Variants in WDR37 observed in about 807,000 individuals in gnomAD.
WDR37 encodes WD repeat-containing protein 37.
Under a neutral mutation model 62.9 loss-of-function variants are expected in WDR37, and 19 were observed. The ratio of observed to expected loss-of-function variants is 0.30; its 90% CI spans 0.21 to 0.44. The LOEUF is 0.44. Ranked by LOEUF, WDR37 falls within the 20% of genes least tolerant of loss-of-function variation. The probability of loss-of-function intolerance (pLI) is 1.00; values close to 1 mark genes in which losing one functional copy is unlikely to be tolerated. For synonymous variants in WDR37, 250 were observed against 260.9 expected, an observed-to-expected ratio of 0.96 and a Z score of 0.40; for missense variants, 474 against 657.6, an observed-to-expected ratio of 0.72 and a Z score of 3.05.
rs115627243 is a variant in WDR37 at position 1,091,113 on chromosome 10, C to T, written c.605-2339C>T. ...TATTTTGAGTGGGTGAGCAGTGCTG[C>T]GAAGCAACTGCCTCCACAGCTCCCG... On this transcript the variant is annotated intron_variant, in intron 7 of 13. Coordinates refer to ENST00000263150, the MANE Select transcript of WDR37 (RefSeq NM_014023.4). Among the ~76,000 whole-genome samples the T allele has an allele frequency of 1.7e-3, 259 of 152,300 alleles. 1 individual carries two copies. The highest frequency in any genetic ancestry group is 6.0e-3 in the African/African-American group (249 of 41,566).
chr10:1,126,411 A>G (rs1302836720), intron 13 of WDR37, among the ~76,000 whole-genome samples: 6 of 151,534 alleles, frequency 4.0e-5, no homozygotes, highest in Non-Finnish European at 8.8e-5. Flanking sequence ...GTCTCAGAAA[A>G]AAAAAAAAGA....
At chr10:1,096,551 C>T (rs368320547) in intron 9 of WDR37, 9 of 394,892 alleles carry the variant, frequency 2.3e-5, no homozygotes, top group Middle Eastern at 7.0e-4. Flanking sequence ...AGGATGAGCC[C>T]GCACCAGAAC....
chr10:1,114,660 C>G (rs564051106), intron 11 of WDR37, among the ~76,000 whole-genome samples: 1 of 152,344 alleles, frequency 6.6e-6, no homozygotes, highest in Admixed American at 6.5e-5. Flanking sequence ...CTGGAATGAA[C>G]GGAACCCGCA....
intron 7 of WDR37, among the ~76,000 whole-genome samples, chr10:1,087,900 T>G (rs1834252720): frequency 6.6e-6 from 1 of 152,230 alleles, no homozygotes; most frequent in Non-Finnish European, 1.5e-5. Context: ...TAAGGCTGTT[T>G]GTTTGCATTC....
chr10:1,088,676 G>T (rs1011056759), intron 7 of WDR37, among the ~76,000 whole-genome samples: 4 of 151,414 alleles, frequency 2.6e-5, no homozygotes, highest in Middle Eastern at 3.2e-3. Context: ...CAAGGTCAAG[G>T]TGCTGGCAAA....
chr10:1,072,475 C>T (rs61159656), intron 2 of WDR37, among the ~76,000 whole-genome samples, 182 bp downstream of exon 2: 212 of 152,228 alleles, frequency 1.4e-3, no homozygotes, highest in African/African-American at 4.5e-3. Context: ...CCACCATGCC[C>T]GGCTGATTTT....
At chr10:1,072,531 C>G (rs1040155596) in intron 2 of WDR37, among the ~76,000 whole-genome samples, 2 of 152,192 alleles carry the variant, frequency 1.3e-5, no homozygotes, top group Non-Finnish European at 1.5e-5. Flanking sequence ...TCAGGCTCAT[C>G]TCGAACTCCT....
At chr10:1,088,915 A>G (rs915468952) in intron 7 of WDR37, among the ~76,000 whole-genome samples, 4 of 152,176 alleles carry the variant, frequency 2.6e-5, no homozygotes, top group Non-Finnish European at 5.9e-5. Flanking sequence ...AGACGTGTAC[A>G]TACACGCATA....
rs35167375 is a variant in WDR37 at position 1,070,207 on chromosome 10, C to CAAA, written c.-40-1892_-40-1890dup. 1.7e-4 allele frequency among the ~76,000 whole-genome samples: 16 copies of CAAA among 93,880 alleles called. No individual in the cohort carries two copies. In the East Asian group the frequency reaches 2.2e-3, roughly 13 times the overall value. 61.6% of individuals were successfully genotyped at this position (93,880 alleles called of 152,430 possible). A position where few individuals can be genotyped will look rare whatever the true frequency, so the allele number is the denominator to read the frequency against. On this transcript the variant is annotated intron_variant, in intron 1 of 13. Transcript: ENST00000263150. Reference sequence around the variant, plus strand: ...TAGGAGACAGAGCAAGACTCTGTCTCAAAAAAAAAAAAAAAAAAATTGGGA... The same window carrying CAAA: ...TAGGAGACAGAGCAAGACTCTGTCTCAAAAAAAAAAAAAAAAAAAAAATTGGGA...
intron 11 of WDR37, among the ~76,000 whole-genome samples, chr10:1,112,377 G>T (rs548518952): frequency 2.6e-5 from 4 of 152,172 alleles, no homozygotes; most frequent in Non-Finnish European, 5.9e-5. Context: ...CTAACTGGCC[G>T]TTCCTTCGTC....
At chr10:1,086,781 T>C (rs908700497) in intron 7 of WDR37, among the ~76,000 whole-genome samples, 8 of 151,916 alleles carry the variant, frequency 5.3e-5, no homozygotes, top group Admixed American at 1.3e-4. Context: ...ACGGAGTGAA[T>C]GCTGTCCACG....
chr10:1,063,008 C>T (rs1833419222), intron 1 of WDR37, among the ~76,000 whole-genome samples: 1 of 151,880 alleles, frequency 6.6e-6, no homozygotes, highest in South Asian at 2.1e-4. Context: ...ATTGCTTGAA[C>T]CCAGGAGGTG....
At chr10:1,102,028 C>T (rs536024838) in intron 9 of WDR37, among the ~76,000 whole-genome samples, 2 of 150,444 alleles carry the variant, frequency 1.3e-5, no homozygotes, top group Non-Finnish European at 2.9e-5. Context: ...TGCTGCTGTG[C>T]GTCCCTGTGA....
chr10:1,116,445 A>T (rs1835404031), intron 11 of WDR37, among the ~76,000 whole-genome samples: 2 of 152,334 alleles, frequency 1.3e-5, no homozygotes, highest in South Asian at 4.1e-4. Flanking sequence ...CTTGCCAAGG[A>T]GGACACACGC....
intron 4 of WDR37, 119 bp downstream of exon 4, chr10:1,080,225 T>G: frequency 4.6e-6 from 6 of 1,293,254 alleles, no homozygotes; most frequent in Non-Finnish European, 6.6e-6. Flanking sequence ...ACTATCTAAT[T>G]CAGGTGTGGG....
chr10:1,076,575 A>C (rs2131620812), intron 2 of WDR37, among the ~76,000 whole-genome samples: 1 of 151,676 alleles, frequency 6.6e-6, no homozygotes, highest in African/African-American at 2.4e-5. Flanking sequence ...GCTACTCAGG[A>C]GGCTGAGGCA....
chr10:1,073,745 T>C (rs547986185), intron 2 of WDR37, among the ~76,000 whole-genome samples: 3 of 152,334 alleles, frequency 2.0e-5, no homozygotes, highest in South Asian at 2.1e-4. Flanking sequence ...TGTCTGTGGC[T>C]CGCCGACACC....
intron 2 of WDR37, among the ~76,000 whole-genome samples, chr10:1,073,787 C>T (rs561406358): frequency 6.6e-6 from 1 of 152,306 alleles, no homozygotes; most frequent in South Asian, 2.1e-4. Flanking sequence ...AGAGTTGTCC[C>T]TCTCTGCGTG....
rs761057564 is a variant in WDR37 at position 1,124,334 on chromosome 10, C to T, written c.1220C>T (p.Thr407Met). ...NMRSPIATIR[T>M]DSAINRINVC... Reference sequence around the variant, plus strand: ...AGATCCCCCATTGCAACTATTCGCACGGACTCTGCCATTAACAGGTAAAGT... The same window carrying T: ...AGATCCCCCATTGCAACTATTCGCATGGACTCTGCCATTAACAGGTAAAGT... Residue 407 changes from threonine (T) to methionine (M), a missense_variant, in exon 12 of 14, where the codon ACG (threonine) becomes ATG (methionine). Coordinates refer to ENST00000263150, the MANE Select transcript of WDR37 (RefSeq NM_014023.4). The T allele has an allele frequency of 9.3e-6, 15 of 1,614,068 alleles. No homozygotes were observed. The highest frequency in any genetic ancestry group is 5.5e-5 in the South Asian group (5 of 91,092).
Sources: allele counts gnomAD v4.1 joint callset (sites outside exome capture counted in the v4.1 genomes callset), GRCh38; gene constraint gnomAD v4.1.1; transcripts MANE v1.5; gene names NCBI Gene and HGNC (gene_info 2026-07-23, HGNC 2026-07-21).